EFNA5: variants seen among roughly 807,000 people sequenced by gnomAD.
The protein encoded by EFNA5 is ephrin A5.
Under a neutral mutation model 22.9 loss-of-function variants are expected in EFNA5, and 5 were observed. The ratio of observed to expected loss-of-function variants is 0.22; its 90% CI spans 0.11 to 0.46. The LOEUF is 0.46. EFNA5 is among the 20% of genes least tolerant of loss of function. The pLI, the probability that EFNA5 is intolerant of heterozygous loss-of-function variation, is 0.99. For missense variants in EFNA5, 237 were observed against 293.3 expected (o/e 0.81, Z 1.40); for synonymous variants, 113 against 112.2 (o/e 1.01, Z -0.04).
At chr5:107,619,763 A>C (rs1749997992) in intron 1 of EFNA5, among the ~76,000 whole-genome samples, 1 of 152,146 alleles carries the variant, frequency 6.6e-6, no homozygotes, top group African/African-American at 2.4e-5. Flanking sequence ...CGCCTAGCCT[A>C]TCAGCTGGAC....
intron 1 of EFNA5, among the ~76,000 whole-genome samples, chr5:107,495,951 A>G (rs1219030621): frequency 6.6e-6 from 1 of 151,994 alleles, no homozygotes; most frequent in Non-Finnish European, 1.5e-5. Context: ...CTTGAGATAA[A>G]ATCAAGAAAT....
At chr5:107,610,945 C>T (rs1484288034) in intron 1 of EFNA5, among the ~76,000 whole-genome samples, 1 of 152,182 alleles carries the variant, frequency 6.6e-6, no homozygotes, top group African/African-American at 2.4e-5. Context: ...CGCTGAGCCT[C>T]GCGTGCCAAG....
intron 1 of EFNA5, among the ~76,000 whole-genome samples, chr5:107,657,853 A>C (rs1294305870): frequency 6.6e-6 from 1 of 152,042 alleles, no homozygotes; most frequent in Admixed American, 6.6e-5. Flanking sequence ...CAGAGTGAAG[A>C]TCAGTAAAAA....
chr5:107,498,805 C>T (rs1243945832), intron 1 of EFNA5, among the ~76,000 whole-genome samples: 1 of 152,092 alleles, frequency 6.6e-6, no homozygotes, highest in Admixed American at 6.6e-5. Context: ...AATAATGAGG[C>T]TTTCCAAGGA....
intron 1 of EFNA5, among the ~76,000 whole-genome samples, chr5:107,603,724 C>A (rs1430486748): frequency 6.6e-6 from 1 of 152,212 alleles, no homozygotes; most frequent in Non-Finnish European, 1.5e-5. Context: ...ACACCACTCT[C>A]GTCTGTCCTG....
At chr5:107,487,908 A>G (rs1238580513) in intron 1 of EFNA5, among the ~76,000 whole-genome samples, 1 of 152,258 alleles carries the variant, frequency 6.6e-6, no homozygotes, top group East Asian at 1.9e-4. Flanking sequence ...TGGATAGACC[A>G]GCTAGCAGAC....
chr5:107,649,828 T>C (rs1237661507), intron 1 of EFNA5, among the ~76,000 whole-genome samples: 1 of 152,176 alleles, frequency 6.6e-6, no homozygotes, highest in African/African-American at 2.4e-5. Context: ...CATTTAATCA[T>C]CACAGTAACT....
intron 1 of EFNA5, among the ~76,000 whole-genome samples, chr5:107,526,785 G>C (rs1036681331): frequency 2.4e-4 from 36 of 152,190 alleles, no homozygotes; most frequent in Non-Finnish European, 2.9e-4. Context: ...GGAAGTATGA[G>C]GACAAAATGT....
intron 1 of EFNA5, among the ~76,000 whole-genome samples, chr5:107,517,103 AT>A: frequency 6.6e-6 from 1 of 151,970 alleles, no homozygotes; most frequent in East Asian, 1.9e-4. Flanking sequence ...TTGATTGTAC[AT>A]TTACACCTCA....
chr5:107,650,376 T>G (rs1750705170), intron 1 of EFNA5, among the ~76,000 whole-genome samples: 1 of 152,120 alleles, frequency 6.6e-6, no homozygotes, highest in Admixed American at 6.6e-5. Context: ...GACTTCTGTC[T>G]TTGAAACTAA....
chr5:107,652,513 G>C (rs916148129), intron 1 of EFNA5, among the ~76,000 whole-genome samples: 1 of 152,152 alleles, frequency 6.6e-6, no homozygotes, highest in African/African-American at 2.4e-5. Context: ...GGCAGTCAAA[G>C]AATTTTCTAA....
At chr5:107,651,884 C>T (rs1160068478) in intron 1 of EFNA5, among the ~76,000 whole-genome samples, 21 of 152,092 alleles carry the variant, frequency 1.4e-4, no homozygotes, top group Non-Finnish European at 1.5e-4. Flanking sequence ...TAAACAGTGG[C>T]TAAGATATAC....
chr5:107,417,944 T>G (rs1020254328), intron 2 of EFNA5, among the ~76,000 whole-genome samples: 1 of 152,190 alleles, frequency 6.6e-6, no homozygotes, highest in African/African-American at 2.4e-5. Context: ...TTTCTTCTGA[T>G]GAAAGGCCCA....
chr5:107,632,025 C>T (rs913587602), intron 1 of EFNA5, among the ~76,000 whole-genome samples: 3 of 152,244 alleles, frequency 2.0e-5, no homozygotes, highest in Non-Finnish European at 4.4e-5. Context: ...CTTCCAGCCA[C>T]CAGTTGCCCA....
intron 1 of EFNA5, among the ~76,000 whole-genome samples, chr5:107,503,327 A>G (rs145756306): frequency 1.5e-3 from 231 of 152,320 alleles, no homozygotes; most frequent in African/African-American, 5.5e-3. Flanking sequence ...TTCACGTAAA[A>G]TGTCAACAGT....
At chr5:107,439,559 T>C (rs1199026992) in intron 1 of EFNA5, among the ~76,000 whole-genome samples, 2 of 152,172 alleles carry the variant, frequency 1.3e-5, no homozygotes, top group Admixed American at 6.5e-5. Context: ...GGAAGGAAGA[T>C]GGCAGACTTA....
At chr5:107,581,138 G>T (rs2112494658) in intron 1 of EFNA5, among the ~76,000 whole-genome samples, 1 of 152,300 alleles carries the variant, frequency 6.6e-6, no homozygotes, top group Admixed American at 6.5e-5. Flanking sequence ...GTTTAATTCA[G>T]ATCTAGTTCC....
At position 107,381,037 on chromosome 5, in the gene EFNA5, G is replaced by A; in HGVS notation, c.*218C>T. ...AGGGGTGAGAGAAGCCAAGGGCCAG[G>A]GCTGGGGGTGGGGCGGGGTGGGGTG... On this transcript the variant is annotated 3_prime_UTR_variant, in exon 5 of 5. Coordinates refer to ENST00000333274, the MANE Select transcript of EFNA5 (RefSeq NM_001962.3). 1.7e-6 allele frequency: 1 copy of A among 591,304 alleles called. No individual in the cohort carries two copies. 36.6% of individuals were successfully genotyped at this position (591,304 alleles called of 1,614,324 possible).
chr5:107,448,074 G>T (rs911898630), intron 1 of EFNA5, among the ~76,000 whole-genome samples: 8 of 152,110 alleles, frequency 5.3e-5, no homozygotes, highest in African/African-American at 1.7e-4. Context: ...GGGATTATAG[G>T]CATGAGCCAC....
Sources: allele counts gnomAD v4.1 joint callset (sites outside exome capture counted in the v4.1 genomes callset), GRCh38; gene constraint gnomAD v4.1.1; transcripts MANE v1.5; gene names NCBI Gene and HGNC (gene_info 2026-07-23, HGNC 2026-07-21).